MARCHF1: variants seen among roughly 807,000 people sequenced by gnomAD.
MARCHF1 encodes membrane associated ring-CH-type finger 1, also known as E3 ubiquitin-protein ligase MARCHF1.
A neutral mutation model predicts 54.2 loss-of-function variants in MARCHF1; 40 were observed. That is an observed-to-expected ratio of 0.74 (90% CI 0.57 to 0.96). The LOEUF (loss-of-function observed/expected upper bound fraction) is 0.96, where lower values mean the gene tolerates loss of function less well. Among genes scored for constraint, MARCHF1 ranks in the 40% least tolerant of loss-of-function variants. The pLI is 0.00. For missense variants in MARCHF1, 586 were observed against 656.5 expected, an observed-to-expected ratio of 0.89 and a Z score of 1.17; for synonymous variants, 236 against 236.3, an observed-to-expected ratio of 1.00 and a Z score of 0.01.
At chr4:163,904,890 A>G (rs1370751681) in intron 3 of MARCHF1, among the ~76,000 whole-genome samples, 1 of 152,184 alleles carries the variant, frequency 6.6e-6, no homozygotes, top group Non-Finnish European at 1.5e-5. Flanking sequence ...TTGGATCATT[A>G]CATTACATCT....
chr4:163,616,197 C>CA (rs992190646), intron 5 of MARCHF1, among the ~76,000 whole-genome samples: 1 of 152,004 alleles, frequency 6.6e-6, no homozygotes, highest in Non-Finnish European at 1.5e-5. Context: ...GCACAGACAA[C>CA]AAAAAACAAA....
chr4:164,041,928 G>T (rs1754137974), intron 2 of MARCHF1, among the ~76,000 whole-genome samples: 1 of 151,988 alleles, frequency 6.6e-6, no homozygotes, highest in Admixed American at 6.6e-5. Flanking sequence ...GGGAAAAAAT[G>T]ATCCCTTATT....
intron 3 of MARCHF1, among the ~76,000 whole-genome samples, chr4:163,895,775 C>T (rs770196722): frequency 1.3e-5 from 2 of 152,134 alleles, no homozygotes; most frequent in Non-Finnish European, 2.9e-5. Flanking sequence ...TACCTTGCCA[C>T]TGGGTGTGCT....
rs545930400 is a variant in MARCHF1, at chr4:163,546,303, A to G, written c.1192-560T>C. ...TAACTCAGATATATATTAAATTGCAAACAAAAATAATTTTCTATTCTCCAA... is the reference window on the plus strand; with the variant it reads ...TAACTCAGATATATATTAAATTGCAGACAAAAATAATTTTCTATTCTCCAA... On this transcript the variant is annotated intron_variant, in intron 8 of 9. Transcript: ENST00000514618. Among the ~76,000 whole-genome samples the G allele has an allele frequency of 2.3e-3, 344 of 152,298 alleles. 1 individual carries two copies. Among genetic ancestry groups the G allele is most frequent in the Non-Finnish European group, 3.5e-3 (240 of 68,032 alleles).
intron 5 of MARCHF1, among the ~76,000 whole-genome samples, chr4:163,638,260 A>G (rs898407091): frequency 6.6e-6 from 1 of 151,988 alleles, no homozygotes; most frequent in African/African-American, 2.4e-5. Flanking sequence ...AAAATTAAAA[A>G]AAAAAAAAGA....
chr4:163,780,497 C>A (rs1451112319), intron 4 of MARCHF1, among the ~76,000 whole-genome samples: 5 of 151,996 alleles, frequency 3.3e-5, no homozygotes, highest in African/African-American at 4.8e-5. Flanking sequence ...TCTATAGGTT[C>A]TCTATTCATG....
intron 3 of MARCHF1, among the ~76,000 whole-genome samples, chr4:163,954,994 C>T (rs146040920): frequency 3.3e-5 from 5 of 152,022 alleles, no homozygotes; most frequent in African/African-American, 1.2e-4. Flanking sequence ...GAAACCAATT[C>T]CAGATTTTAG....
chr4:164,089,467 T>G (rs1755255820), intron 2 of MARCHF1, among the ~76,000 whole-genome samples: 1 of 152,054 alleles, frequency 6.6e-6, no homozygotes, highest in African/African-American at 2.4e-5. Flanking sequence ...CACAAGAAAA[T>G]TTTTGAAAGT....
At chr4:164,058,797 G>T (rs1012132991) in intron 2 of MARCHF1, among the ~76,000 whole-genome samples, 1 of 152,126 alleles carries the variant, frequency 6.6e-6, no homozygotes, top group African/African-American at 2.4e-5. Flanking sequence ...AAAATATTTT[G>T]GGGGGAATGG....
intron 2 of MARCHF1, among the ~76,000 whole-genome samples, chr4:164,013,832 G>A (rs1329731229): frequency 1.3e-5 from 2 of 152,086 alleles, no homozygotes; most frequent in East Asian, 1.9e-4. Flanking sequence ...ACAAACAAAA[G>A]CTGAGGAATT....
intron 1 of MARCHF1, among the ~76,000 whole-genome samples, chr4:164,369,712 C>G (rs543819771): frequency 6.6e-6 from 1 of 151,876 alleles, no homozygotes; most frequent in Non-Finnish European, 1.5e-5. Flanking sequence ...TATAATAGTA[C>G]CTCTACCATA....
At chr4:164,166,154 C>T (rs1730374519) in intron 1 of MARCHF1, among the ~76,000 whole-genome samples, 1 of 151,960 alleles carries the variant, frequency 6.6e-6, no homozygotes, top group Admixed American at 6.6e-5. Context: ...CAAAAATCAA[C>T]CTGGGGATAG....
chr4:163,619,922 T>A (rs1372770894), intron 5 of MARCHF1, among the ~76,000 whole-genome samples: 1 of 152,024 alleles, frequency 6.6e-6, no homozygotes. Flanking sequence ...AATAAAAACT[T>A]CTAATTTATA....
intron 3 of MARCHF1, among the ~76,000 whole-genome samples, chr4:163,906,289 G>A (rs888554246): frequency 1.2e-4 from 18 of 151,876 alleles, no homozygotes; most frequent in African/African-American, 4.4e-4. Flanking sequence ...ATATGTAACT[G>A]AATAAATAAA....
chr4:163,900,321 A>G (rs1750910458), intron 3 of MARCHF1, among the ~76,000 whole-genome samples: 1 of 151,032 alleles, frequency 6.6e-6, no homozygotes, highest in Non-Finnish European at 1.5e-5. Flanking sequence ...TTATGTTCCT[A>G]CCCACAGAGT....
intron 5 of MARCHF1, among the ~76,000 whole-genome samples, chr4:163,632,296 G>T (rs367983596): frequency 6.6e-6 from 1 of 152,086 alleles, no homozygotes; most frequent in African/African-American, 2.4e-5. Context: ...CCTGAGCGAC[G>T]CAGAAGACGG....
intron 4 of MARCHF1, among the ~76,000 whole-genome samples, chr4:163,757,637 T>A (rs574853770): frequency 6.6e-6 from 1 of 152,048 alleles, no homozygotes; most frequent in African/African-American, 2.4e-5. Context: ...TGAAAAAAAA[T>A]AGAAACACCA....
At chr4:164,001,037 T>C (rs1233477148) in intron 2 of MARCHF1, among the ~76,000 whole-genome samples, 1 of 151,764 alleles carries the variant, frequency 6.6e-6, no homozygotes, top group Non-Finnish European at 1.5e-5. Context: ...TGATGGACAT[T>C]TAGACAATAT....
chr4:164,240,647 G>C (rs1191190202), intron 1 of MARCHF1, among the ~76,000 whole-genome samples: 1 of 152,096 alleles, frequency 6.6e-6, no homozygotes, highest in Non-Finnish European at 1.5e-5. Flanking sequence ...GTAACAGTGA[G>C]AGAATTCAGA....
Sources: gnomAD v4.1 joint callset for allele counts (sites outside exome capture counted in the v4.1 genomes callset) on GRCh38, gnomAD v4.1.1 for gene constraint, MANE v1.5 for transcripts, NCBI Gene and HGNC (gene_info 2026-07-23, HGNC 2026-07-21) for gene names.